CXorf58: variants seen among roughly 807,000 people sequenced by gnomAD.
CXorf58 encodes the protein chromosome X open reading frame 58.
CXorf58 carries 24 observed loss-of-function variants against 26.0 expected under a neutral mutation model. The ratio of observed to expected loss-of-function variants is 0.92; its 90% confidence interval spans 0.67 to 1.30. CXorf58 has a LOEUF of 1.30. Among genes scored for constraint, CXorf58 ranks in the 50% most tolerant of loss-of-function variants. The pLI, the probability that CXorf58 is intolerant of heterozygous loss-of-function variation, is 0.00. For synonymous variants in CXorf58, 87 were observed against 86.1 expected, an observed-to-expected ratio of 1.01 and a Z score of -0.06; for missense variants, 236 against 263.9, an observed-to-expected ratio of 0.89 and a Z score of 0.73.
intron 5 of CXorf58, among the ~76,000 whole-genome samples, chrX:23,920,620 G>A (rs183621148): frequency 0.012 from 1,318 of 111,656 alleles, 19 homozygotes; most frequent in African/African-American, 0.041. Context: ...AGCCAGGCTC[G>A]GTGGCTCATG....
intron 5 of CXorf58, among the ~76,000 whole-genome samples, chrX:23,919,775 G>C: frequency 8.9e-6 from 1 of 112,452 alleles, no homozygotes; most frequent in Non-Finnish European, 1.9e-5. Context: ...TTTGTAACCT[G>C]TCCTTCGTGA....
rs1193912601 is a variant in CXorf58 at position 23,935,413 on chromosome X, T to C, written c.773T>C (p.Val258Ala). ...ATCCATAAGCACCAGCTACGGATTG[T>C]TTCTGAAATTAGGTAAAACAGATTC... ...QEIHKHQLRI[V>A]SEIRGPYLTV... Residue 258 changes from valine (V) to alanine (A), a missense_variant, in exon 7 of 9, where the codon GTT becomes GCT. Coordinates refer to ENST00000379211, the MANE Select transcript of CXorf58 (RefSeq NM_152761.3). 5.1e-6 allele frequency: 6 copies of C among 1,184,967 alleles called. No individual in the cohort carries two copies. Among genetic ancestry groups the C allele is most frequent in the Non-Finnish European group, 6.9e-6 (6 of 873,022 alleles).
chrX:23,909,189 G>A (rs906808231), intron 1 of CXorf58, among the ~76,000 whole-genome samples: 1 of 112,511 alleles, frequency 8.9e-6, no homozygotes, highest in South Asian at 3.7e-4. Context: ...ATAAAAATGT[G>A]AAACATATTG....
At chrX:23,926,448 G>C (rs1928013949) in intron 5 of CXorf58, among the ~76,000 whole-genome samples, 1 of 111,120 alleles carries the variant, frequency 9.0e-6, no homozygotes, top group Non-Finnish European at 1.9e-5. Context: ...AAGGGAGGGA[G>C]GCTTAAACAG....
At chrX:23,917,334 C>CA (rs1188697974) in intron 5 of CXorf58, among the ~76,000 whole-genome samples, 20 of 88,294 alleles carry the variant, frequency 2.3e-4, no homozygotes, top group East Asian at 1.4e-3. Context: ...GATTCTATCT[C>CA]AAAAAAAAAA....
chrX:23,909,423 G>A (rs1025034849), intron 1 of CXorf58, among the ~76,000 whole-genome samples: 2 of 111,728 alleles, frequency 1.8e-5, no homozygotes, highest in African/African-American at 3.3e-5. Context: ...AAATATTTAT[G>A]CTCGTTACTA....
At chrX:23,914,188 C>T (rs776828584) in intron 3 of CXorf58, among the ~76,000 whole-genome samples, 10 of 110,366 alleles carry the variant, frequency 9.1e-5, no homozygotes, top group South Asian at 3.9e-4. Context: ...CGGGTTCAAG[C>T]GATTCTCCTG....
At chrX:23,915,331 T>A (rs1363403913) in intron 3 of CXorf58, among the ~76,000 whole-genome samples, 1 of 112,063 alleles carries the variant, frequency 8.9e-6, no homozygotes, top group Non-Finnish European at 1.9e-5. Flanking sequence ...AGGCACTGTA[T>A]TAGATGCTAG....
chrX:23,920,831 C>T (rs1214017826), intron 5 of CXorf58, among the ~76,000 whole-genome samples: 4 of 101,659 alleles, frequency 3.9e-5, no homozygotes, highest in Non-Finnish European at 7.9e-5. Context: ...GCAGAGGTTG[C>T]AGTGAGCTGA....
intron 3 of CXorf58, among the ~76,000 whole-genome samples, chrX:23,912,490 C>T (rs775595301): frequency 9.9e-5 from 11 of 111,436 alleles, no homozygotes; most frequent in East Asian, 2.8e-4. Flanking sequence ...CAGCATCTCA[C>T]GCCTGTAATC....
chrX:23,910,760 CTT>C (rs779387168), intron 2 of CXorf58, among the ~76,000 whole-genome samples: 1 of 51,423 alleles, frequency 1.9e-5, no homozygotes, highest in African/African-American at 8.4e-5. Flanking sequence ...TTTTTCCTTT[CTT>C]TTTTTTTTTT....
At chrX:23,912,625 T>G (rs1300791426) in intron 3 of CXorf58, among the ~76,000 whole-genome samples, 1 of 111,240 alleles carries the variant, frequency 9.0e-6, no homozygotes, top group Non-Finnish European at 1.9e-5. Context: ...GAGCCTGTAG[T>G]CACAGCTACT....
intron 6 of CXorf58, among the ~76,000 whole-genome samples, chrX:23,930,214 A>AAG (rs1280925368): frequency 6.5e-5 from 7 of 107,013 alleles, no homozygotes; most frequent in Non-Finnish European, 1.2e-4. Context: ...AAAAAAAAAA[A>AAG]AAAGAAAAAA....
At chrX:23,916,412 A>G in intron 5 of CXorf58, 84 bp downstream of exon 5, 1 of 587,345 alleles carries the variant, frequency 1.7e-6, no homozygotes, top group Non-Finnish European at 2.7e-6. Flanking sequence ...ATTATACAGA[A>G]TAAGTTATTT....
At chrX:23,918,891 T>TA (rs753338555) in intron 5 of CXorf58, among the ~76,000 whole-genome samples, 10 of 112,498 alleles carry the variant, frequency 8.9e-5, no homozygotes, top group East Asian at 2.8e-4. Flanking sequence ...TTAAATATGT[T>TA]ACATCACTCT....
At chrX:23,921,660 G>GT (rs1236124489) in intron 5 of CXorf58, among the ~76,000 whole-genome samples, 2 of 111,114 alleles carry the variant, frequency 1.8e-5, no homozygotes, top group Non-Finnish European at 3.8e-5. Flanking sequence ...TTTTTTGTTT[G>GT]TTTTTGTTTT....
chrX:23,936,950 C>T (rs1481992641), intron 7 of CXorf58, among the ~76,000 whole-genome samples: 1 of 112,109 alleles, frequency 8.9e-6, no homozygotes, highest in Non-Finnish European at 1.9e-5. Flanking sequence ...TAATCCTGAT[C>T]TCCCTGCTAT....
intron 5 of CXorf58, among the ~76,000 whole-genome samples, chrX:23,923,477 CA>C (rs200776673): frequency 7.0e-4 from 69 of 98,480 alleles, no homozygotes; most frequent in East Asian, 4.2e-3. Flanking sequence ...ACTAAAAATA[CA>C]AAAAAAAAAA....
rs779387168 is a variant in CXorf58 at position 23,910,760 on chromosome X, C to CTTTTTT, written c.116+360_116+365dup. 7.3e-3 allele frequency among the ~76,000 whole-genome samples: 372 copies of CTTTTTT among 51,198 alleles called. 2 individuals are homozygous for CTTTTTT. Among genetic ancestry groups the CTTTTTT allele is most frequent in the African/African-American group, 8.2e-3 (97 of 11,803 alleles). The allele number at this position is 51,198 out of a possible 115,157, so 44.5% of individuals were successfully genotyped here. A position where few individuals can be genotyped will look rare whatever the true frequency, so the allele number is the denominator to read the frequency against. On this transcript the variant is annotated intron_variant, in intron 2 of 8. Transcript: ENST00000379211. ...TTCCACACTTCAGGCTTTTTCCTTTCTTTTTTTTTTTTTTTTTTTTTTTCA... is the reference window on the plus strand; with the variant it reads ...TTCCACACTTCAGGCTTTTTCCTTTCTTTTTTTTTTTTTTTTTTTTTTTTTTTTTCA...
Sources: allele counts gnomAD v4.1 joint callset (sites outside exome capture counted in the v4.1 genomes callset), GRCh38; gene constraint gnomAD v4.1.1; transcripts MANE v1.5; gene names NCBI Gene and HGNC (gene_info 2026-07-23, HGNC 2026-07-21).